The following HSD17B14 variants were observed in gnomAD, a reference collection of about 807,000 sequenced individuals.
The protein encoded by HSD17B14 is hydroxysteroid 17-beta dehydrogenase 14, also known as L-fucose dehydrogenase.
A neutral mutation model predicts 32.2 loss-of-function variants in HSD17B14; 32 were observed. That is an observed-to-expected ratio of 0.99 (90% CI 0.75 to 1.33). The LOEUF (loss-of-function observed/expected upper bound fraction) is 1.33, where lower values mean the gene tolerates loss of function less well. Among genes scored for constraint, HSD17B14 ranks in the 40% most tolerant of loss-of-function variants. The pLI, the probability that HSD17B14 is intolerant of heterozygous loss-of-function variation, is 0.00. For missense variants in HSD17B14, 370 were observed against 366.5 expected (o/e 1.01, Z -0.08); for synonymous variants, 140 against 155.4 (o/e 0.90, Z 0.74).
intron 3 of HSD17B14, 73 bp downstream of exon 3, chr19:48,834,203 A>G: frequency 8.0e-7 from 1 of 1,245,544 alleles, no homozygotes; most frequent in Non-Finnish European, 1.2e-6. Flanking sequence ...GGAAAGGCAT[A>G]TGCAAATGGC....
intron 5 of HSD17B14, among the ~76,000 whole-genome samples, chr19:48,816,990 C>A (rs546370873): frequency 6.7e-6 from 1 of 148,228 alleles, no homozygotes; most frequent in Non-Finnish European, 1.5e-5. Context: ...CATGTGCCCC[C>A]ACACCAGGAT....
intron 5 of HSD17B14, among the ~76,000 whole-genome samples, chr19:48,825,225 G>A (rs1410292978): frequency 3.1e-5 from 4 of 129,924 alleles, no homozygotes; most frequent in East Asian, 4.5e-4. Context: ...GCGATAGAGC[G>A]AGACTCCGTC....
chr19:48,816,021 A>AG (rs2035044488), intron 5 of HSD17B14, among the ~76,000 whole-genome samples: 1 of 125,184 alleles, frequency 8.0e-6, no homozygotes, highest in Admixed American at 8.3e-5. Context: ...ACTCCGTTTC[A>AG]GAAAAAAAAA....
At chr19:48,825,474 AT>A (rs2035228771) in intron 5 of HSD17B14, among the ~76,000 whole-genome samples, 1 of 151,700 alleles carries the variant, frequency 6.6e-6, no homozygotes, top group Non-Finnish European at 1.5e-5. Context: ...TATCTGGCTA[AT>A]TTTGTTTATT....
chr19:48,833,363 A>C (rs1474368097), intron 3 of HSD17B14, among the ~76,000 whole-genome samples: 1 of 152,084 alleles, frequency 6.6e-6, no homozygotes, highest in Non-Finnish European at 1.5e-5. Context: ...GATTAAAAGG[A>C]AGAAATAGGA....
At chr19:48,823,085 C>T (rs1226453103) in intron 5 of HSD17B14, among the ~76,000 whole-genome samples, 2 of 152,074 alleles carry the variant, frequency 1.3e-5, no homozygotes, top group African/African-American at 4.8e-5. Flanking sequence ...GTGAACAAAT[C>T]AGCTGTAATA....
At chr19:48,833,267 TCAGGGGGTGGGG>T (rs917719301) in intron 3 of HSD17B14, among the ~76,000 whole-genome samples, 2 of 148,904 alleles carry the variant, frequency 1.3e-5, no homozygotes, top group African/African-American at 5.0e-5. Flanking sequence ...ACACCCAGGG[TCAGGGGGTGGGG>T]CAGGGGGGTG....
intron 6 of HSD17B14, 97 bp downstream of exon 6, chr19:48,814,940 A>C: frequency 1.2e-6 from 1 of 857,174 alleles, no homozygotes; most frequent in Non-Finnish European, 1.9e-6. Context: ...TTCTAGGGCC[A>C]AGATCTTGCT....
At chr19:48,835,937 T>C in intron 1 of HSD17B14, 94 bp from the exon 2 acceptor site, 2 of 1,123,210 alleles carry the variant, frequency 1.8e-6, no homozygotes, top group African/African-American at 1.6e-5. Context: ...GATCTCCCTC[T>C]CCCCTCGTGA....
At chr19:48,824,546 G>A (rs1203437565) in intron 5 of HSD17B14, among the ~76,000 whole-genome samples, 3 of 151,714 alleles carry the variant, frequency 2.0e-5, no homozygotes, top group Non-Finnish European at 2.9e-5. Context: ...TGAAGCAGGC[G>A]GATCACGAGG....
chr19:48,835,336 G>GCC (rs2122817691), intron 2 of HSD17B14, among the ~76,000 whole-genome samples: 2 of 115,202 alleles, frequency 1.7e-5, no homozygotes, highest in Middle Eastern at 4.6e-3. Context: ...AGGAGGGGCT[G>GCC]GGAGCCTGGA....
chr19:48,832,521 A>G, intron 4 of HSD17B14, 145 bp downstream of exon 4: 1 of 739,592 alleles, frequency 1.4e-6, no homozygotes. Flanking sequence ...GGGGGCTTCC[A>G]TTGCTTTACT....
rs543961233 is a variant in HSD17B14, at chr19:48,831,637, C to T, written c.369+31G>A. 280 of 1,502,290 alleles carry T rather than the reference C, an allele frequency of 1.9e-4. 5 individuals carry two copies. In the South Asian group the frequency reaches 2.7e-3, roughly 14 times the overall value. 93.1% of individuals were successfully genotyped at this position (1,502,290 alleles called of 1,614,324 possible). Reference sequence around the variant, plus strand: ...ACAATCCACCTATCAGGAGGCTGCTCGGGCCTGGCGGCAGGGTCGCCAGCC... The same window carrying T: ...ACAATCCACCTATCAGGAGGCTGCTTGGGCCTGGCGGCAGGGTCGCCAGCC... On this transcript the variant is annotated intron_variant, in intron 5 of 8. Transcript: ENST00000263278.
At chr19:48,821,940 C>G (rs573833492) in intron 5 of HSD17B14, among the ~76,000 whole-genome samples, 121 of 150,868 alleles carry the variant, frequency 8.0e-4, no homozygotes, top group South Asian at 4.0e-3. Context: ...AGGATGGTGA[C>G]GTGGTAATGA....
chr19:48,814,204 A>AG (rs1241727049), intron 6 of HSD17B14, among the ~76,000 whole-genome samples: 1 of 147,030 alleles, frequency 6.8e-6, no homozygotes, highest in Non-Finnish European at 1.5e-5. Context: ...AAAAAAAAAA[A>AG]GAAGAAAAGA....
intron 5 of HSD17B14, among the ~76,000 whole-genome samples, chr19:48,819,384 TTAA>T (rs1161484034): frequency 6.6e-6 from 1 of 152,146 alleles, no homozygotes; most frequent in African/African-American, 2.4e-5. Context: ...CTATGATCTG[TTAA>T]TAATACTAAC....
intron 5 of HSD17B14, among the ~76,000 whole-genome samples, chr19:48,818,322 AAAG>A (rs2035091226): frequency 2.2e-5 from 2 of 92,252 alleles, no homozygotes. Context: ...AAAAAAGAAA[AAAG>A]AAAAAAGAAA....
intron 5 of HSD17B14, among the ~76,000 whole-genome samples, chr19:48,821,044 A>C (rs1599830963): frequency 8.3e-6 from 1 of 120,560 alleles, no homozygotes; most frequent in Non-Finnish European, 1.7e-5. Flanking sequence ...ACAGAGTCTC[A>C]CTCTGTCACC....
In HSD17B14 at chr19:48,813,338, C is replaced by A; in HGVS notation, c.650G>T (p.Arg217Leu). 6.3e-7 allele frequency: 1 copy of A among 1,581,534 alleles called. No homozygotes were observed. The highest frequency in any genetic ancestry group is 8.6e-7 in the Non-Finnish European group (1 of 1,163,650). Residue 217 changes from arginine (R) to leucine (L), a missense_variant, in exon 9 of 9, where the codon CGC (arginine) becomes CTC (leucine). Coordinates refer to ENST00000263278, the MANE Select transcript of HSD17B14 (RefSeq NM_016246.3). ...CCCGACCTCAGCGGGCTGGCCCATG[C>A]GGCCCAGTGGCTGGGGAGAAAAGAG... ...REGMLAQPLG[R>L]MGQPAEVGAA...
Sources: gnomAD v4.1 joint callset for allele counts (sites outside exome capture counted in the v4.1 genomes callset) on GRCh38, gnomAD v4.1.1 for gene constraint, MANE v1.5 for transcripts, NCBI Gene and HGNC (gene_info 2026-07-23, HGNC 2026-07-21) for gene names.